The following PTGR3 variants were observed in gnomAD, a reference collection of about 807,000 sequenced individuals.
PTGR3 encodes the protein zinc binding alcohol dehydrogenase domain containing 2.
the PTGR3 span, chr18:75,201,408 T>C: frequency 6.3e-7 from 1 of 1,597,432 alleles, no homozygotes; most frequent in Non-Finnish European, 8.6e-7. Context: ...TATGTCATTG[T>C]TCTGTTTTTA....
At chr18:75,202,297 G>A in the PTGR3 span, 29 of 1,613,822 alleles carry the variant, frequency 1.8e-5, no homozygotes, top group East Asian at 2.2e-5. Flanking sequence ...GGGTCATAGC[G>A]GCCTGCTGAA....
chr18:75,203,815 A>G, the PTGR3 span, among the ~76,000 whole-genome samples: 1 of 152,158 alleles, frequency 6.6e-6, no homozygotes, highest in Non-Finnish European at 1.5e-5. Flanking sequence ...TTAAATTTAC[A>G]TAATTCTCAA....
At chr18:75,202,296 C>T in the PTGR3 span, 97 of 1,613,828 alleles carry the variant, frequency 6.0e-5, no homozygotes, top group Admixed American at 8.3e-5. Context: ...GGGGTCATAG[C>T]GGCCTGCTGA....
chr18:75,197,298 G>A, the PTGR3 span: 2 of 152,132 alleles, frequency 1.3e-5, no homozygotes, highest in Admixed American at 6.5e-5. Flanking sequence ...ATGGATAAAT[G>A]CTTGAGGAGG....
chr18:75,207,723 G>A, the PTGR3 span, among the ~76,000 whole-genome samples: 9 of 151,494 alleles, frequency 5.9e-5, no homozygotes, highest in Non-Finnish European at 1.2e-4. Context: ...TTGTTAGGAA[G>A]GCTAATAGGA....
the PTGR3 span, among the ~76,000 whole-genome samples, chr18:75,204,164 G>A: frequency 6.6e-6 from 1 of 152,246 alleles, no homozygotes; most frequent in Admixed American, 6.5e-5. Context: ...GCCTTGGGGG[G>A]ACACCCGGGC....
At chr18:75,209,138 C>G in the PTGR3 span, 1 of 1,220,888 alleles carries the variant, frequency 8.2e-7, no homozygotes, top group South Asian at 2.9e-5. This position sits in a 1 kb window ranked among gnomAD's most constrained non-coding sequence, Gnocchi z 4.7. Flanking sequence ...CGGCTGTGCT[C>G]TGCTCGGCTA....
the PTGR3 span, chr18:75,202,358 A>C: frequency 6.9e-6 from 11 of 1,594,156 alleles, no homozygotes; most frequent in South Asian, 1.2e-4. Flanking sequence ...AAAACAAACA[A>C]ACAAATATGT....
chr18:75,203,044 A>AT, the PTGR3 span, among the ~76,000 whole-genome samples: 1 of 152,220 alleles, frequency 6.6e-6, no homozygotes, highest in South Asian at 2.1e-4. Context: ...GGGTAGAGCG[A>AT]TTTTTATGAA....
chr18:75,197,723 A>G, the PTGR3 span: 1 of 152,280 alleles, frequency 6.6e-6, no homozygotes, highest in Non-Finnish European at 1.5e-5. Context: ...AAAAAAGCCC[A>G]TGAAGTTTAC....
At chr18:75,202,027 T>C in the PTGR3 span, 1 of 1,614,148 alleles carries the variant, frequency 6.2e-7, no homozygotes, top group Admixed American at 1.7e-5. Flanking sequence ...ACCAAAACTT[T>C]TTTCCCTTCC....
chr18:75,203,766 T>C, the PTGR3 span, among the ~76,000 whole-genome samples: 16 of 152,070 alleles, frequency 1.1e-4, no homozygotes, highest in African/African-American at 3.6e-4. Flanking sequence ...TTTCCTACAT[T>C]CTATTTTTAG....
chr18:75,209,098 G>A, the PTGR3 span: 1 of 1,432,142 alleles, frequency 7.0e-7, no homozygotes, highest in Non-Finnish European at 9.2e-7. This position sits in a 1 kb window ranked among gnomAD's most constrained non-coding sequence, Gnocchi z 4.7. Flanking sequence ...GACGCTGGCC[G>A]GGGTCGGCCC....
chr18:75,208,371 C>A, the PTGR3 span: 1 of 987,482 alleles, frequency 1.0e-6, no homozygotes, highest in African/African-American at 1.7e-5. Context: ...CTGGAGGGAA[C>A]AGGGAAAGCC....
At chr18:75,209,124 G>T in the PTGR3 span, 2 of 1,350,064 alleles carry the variant, frequency 1.5e-6, no homozygotes, top group Non-Finnish European at 1.9e-6. The surrounding 1 kb of genome is among the most constrained non-coding windows in gnomAD (Gnocchi z 4.7). Context: ...CGGGCCGCTC[G>T]GCTCGGCTGT....
chr18:75,201,434 AGAGT>A, the PTGR3 span: 1 of 1,610,108 alleles, frequency 6.2e-7, no homozygotes, highest in East Asian at 2.2e-5. Context: ...TACTGTTGAC[AGAGT>A]GAGGTAATTC....
chr18:75,209,026 G>A, the PTGR3 span: 12 of 1,574,406 alleles, frequency 7.6e-6, 1 homozygote, highest in South Asian at 4.6e-5. The surrounding 1 kb of genome is among the most constrained non-coding windows in gnomAD (Gnocchi z 4.7). Flanking sequence ...TGTCCACGAT[G>A]GCCCGGGCCC....
chr18:75,197,394 C>T, the PTGR3 span: 1 of 152,118 alleles, frequency 6.6e-6, no homozygotes, highest in East Asian at 1.9e-4. Context: ...TAAATATATA[C>T]ACCTTCTATA....
At chr18:75,201,405 TTGTTC>T in the PTGR3 span, 1 of 1,594,112 alleles carries the variant, frequency 6.3e-7, no homozygotes, top group East Asian at 2.2e-5. Flanking sequence ...ATTTATGTCA[TTGTTC>T]TGTTTTTACA....
Sources: allele counts gnomAD v4.1 joint callset (sites outside exome capture counted in the v4.1 genomes callset), GRCh38; gene constraint gnomAD v4.1.1; non-coding constraint Gnocchi (gnomAD v3.1); transcripts MANE v1.5; gene names NCBI Gene and HGNC (gene_info 2026-07-23, HGNC 2026-07-21).